Variants in KCNIP4 observed in about 807,000 individuals in gnomAD.
KCNIP4 encodes the protein potassium voltage-gated channel interacting protein 4.
A neutral mutation model predicts 34.0 loss-of-function variants in KCNIP4; 12 were observed. The ratio of observed to expected loss-of-function variants is 0.35; its 90% confidence interval spans 0.23 to 0.57. The LOEUF (loss-of-function observed/expected upper bound fraction) is 0.57, where lower values mean the gene tolerates loss of function less well. KCNIP4 is among the 20% of genes least tolerant of loss of function. KCNIP4 has a pLI of 0.83. For missense variants in KCNIP4, 238 were observed against 311.7 expected, an observed-to-expected ratio of 0.76 and a Z score of 1.78; for synonymous variants, 124 against 102.2, an observed-to-expected ratio of 1.21 and a Z score of -1.29.
intron 2 of KCNIP4, among the ~76,000 whole-genome samples, chr4:20,868,249 CAGTATT>C (rs140003634): frequency 0.02 from 2,997 of 152,084 alleles, 84 homozygotes; most frequent in African/African-American, 0.068. Context: ...AAAAAACACT[CAGTATT>C]AGTAATCATC....
At chr4:20,891,917 A>G (rs541012502) in intron 1 of KCNIP4, among the ~76,000 whole-genome samples, 5 of 152,174 alleles carry the variant, frequency 3.3e-5, no homozygotes, top group Non-Finnish European at 7.3e-5. Flanking sequence ...ACAAACACAT[A>G]CACTCAGAAT....
At chr4:21,273,865 A>G (rs915585325) in intron 1 of KCNIP4, among the ~76,000 whole-genome samples, 3 of 152,178 alleles carry the variant, frequency 2.0e-5, no homozygotes, top group Admixed American at 6.5e-5. Context: ...GCACGTGTGT[A>G]TGTACATATG....
In KCNIP4 at chr4:21,436,242, G is replaced by C. The variant is rs141462648; in HGVS notation, c.61+512329C>G. Among the ~76,000 whole-genome samples, 7 of 152,258 alleles carry C rather than the reference G, an allele frequency of 4.6e-5. No individual in the cohort carries two copies. The East Asian group carries it at 1.4e-3, about 29-fold the overall frequency. On this transcript the variant is annotated intron_variant, in intron 1 of 8. Transcript: ENST00000382152. The stretch of plus-strand genomic sequence containing the variant: ...GACTGCTGAGACTGATATATACCTA[G>C]TCAGAGCCTGGGAAACACCTGAGCC...
At chr4:21,546,030 G>C (rs1465634106) in intron 1 of KCNIP4, among the ~76,000 whole-genome samples, 1 of 152,026 alleles carries the variant, frequency 6.6e-6, no homozygotes, top group Non-Finnish European at 1.5e-5. Flanking sequence ...CTATGGACTT[G>C]CCTTGAATTC....
chr4:20,914,325 T>C (rs1312938009), intron 1 of KCNIP4, among the ~76,000 whole-genome samples: 1 of 152,004 alleles, frequency 6.6e-6, no homozygotes, highest in Non-Finnish European at 1.5e-5. Flanking sequence ...TATTAGGAGG[T>C]AGGGACTTTG....
intron 1 of KCNIP4, among the ~76,000 whole-genome samples, chr4:21,483,433 A>G (rs1368535244): frequency 6.6e-6 from 1 of 151,910 alleles, no homozygotes; most frequent in Non-Finnish European, 1.5e-5. Flanking sequence ...GGAGTTTCCA[A>G]CGATTTAGTA....
chr4:21,115,755 T>C (rs1749623851), intron 1 of KCNIP4, among the ~76,000 whole-genome samples: 1 of 152,208 alleles, frequency 6.6e-6, no homozygotes, highest in African/African-American at 2.4e-5. Context: ...GTAATTCTGG[T>C]CTACCACTAG....
At chr4:21,246,005 G>A (rs1017420509) in intron 1 of KCNIP4, among the ~76,000 whole-genome samples, 1 of 152,068 alleles carries the variant, frequency 6.6e-6, no homozygotes, top group African/African-American at 2.4e-5. Flanking sequence ...TCATAACCAG[G>A]TATAAGCATC....
chr4:21,057,064 C>T (rs553681317), intron 1 of KCNIP4, among the ~76,000 whole-genome samples: 1 of 152,092 alleles, frequency 6.6e-6, no homozygotes, highest in South Asian at 2.1e-4. Context: ...ATTGTTGTTG[C>T]CACTGGGTAT....
intron 1 of KCNIP4, among the ~76,000 whole-genome samples, chr4:21,268,480 T>G (rs993674809): frequency 6.6e-6 from 1 of 152,154 alleles, no homozygotes; most frequent in South Asian, 2.1e-4. Flanking sequence ...CTCTCATTAA[T>G]TAGCTATTGA....
intron 1 of KCNIP4, among the ~76,000 whole-genome samples, chr4:21,075,508 C>A (rs555313530): frequency 6.6e-6 from 1 of 152,186 alleles, no homozygotes; most frequent in East Asian, 1.9e-4. Flanking sequence ...CTTCCTCCAT[C>A]CCTGTATTTT....
intron 1 of KCNIP4, among the ~76,000 whole-genome samples, chr4:21,429,052 A>T (rs1393147325): frequency 6.6e-6 from 1 of 152,188 alleles, no homozygotes; most frequent in African/African-American, 2.4e-5. Context: ...GTTTTGACAA[A>T]TATGTAATGA....
intron 1 of KCNIP4, among the ~76,000 whole-genome samples, chr4:20,886,297 G>A (rs1427834864): frequency 1.3e-5 from 2 of 152,188 alleles, no homozygotes; most frequent in East Asian, 1.9e-4. Context: ...CTGGTGACAT[G>A]TTCCTTCCAT....
At chr4:21,199,412 G>T (rs187861868) in intron 1 of KCNIP4, among the ~76,000 whole-genome samples, 1 of 152,274 alleles carries the variant, frequency 6.6e-6, no homozygotes, top group Non-Finnish European at 1.5e-5. Flanking sequence ...TTTTGATGGG[G>T]TTGTTTGATT....
At chr4:21,619,124 C>T (rs1744831162) in intron 1 of KCNIP4, among the ~76,000 whole-genome samples, 1 of 151,698 alleles carries the variant, frequency 6.6e-6, no homozygotes. Flanking sequence ...TAATTAACAG[C>T]AAAGATAGAA....
At chr4:21,121,669 A>T (rs1000911326) in intron 1 of KCNIP4, among the ~76,000 whole-genome samples, 4 of 152,230 alleles carry the variant, frequency 2.6e-5, no homozygotes, top group African/African-American at 9.6e-5. Context: ...GGTAAAATAC[A>T]ATCATGTAAA....
chr4:21,744,025 A>T (rs1417025307), intron 1 of KCNIP4, among the ~76,000 whole-genome samples: 2 of 152,098 alleles, frequency 1.3e-5, no homozygotes, highest in African/African-American at 4.8e-5. Flanking sequence ...CCTGACAATC[A>T]AATATTGGAG....
chr4:21,442,695 C>T (rs1727595975), intron 1 of KCNIP4, among the ~76,000 whole-genome samples: 1 of 152,180 alleles, frequency 6.6e-6, no homozygotes, highest in Non-Finnish European at 1.5e-5. Context: ...TTTTCTCCGC[C>T]TCTCAACACT....
chr4:21,335,291 A>ACT (rs34655313), intron 1 of KCNIP4, among the ~76,000 whole-genome samples: 107,749 of 151,676 alleles, frequency 0.71, 39,248 homozygotes, highest in African/African-American at 0.87. Flanking sequence ...TGTTCTCTGA[A>ACT]CTCTTTTACC....
Sources: gnomAD v4.1 joint callset for allele counts (sites outside exome capture counted in the v4.1 genomes callset) on GRCh38, gnomAD v4.1.1 for gene constraint, MANE v1.5 for transcripts, NCBI Gene and HGNC (gene_info 2026-07-23, HGNC 2026-07-21) for gene names.